The following TAF4 variants were observed in gnomAD, a reference collection of about 807,000 sequenced individuals.
The protein encoded by TAF4 is transcription initiation factor TFIID subunit 4.
A neutral mutation model predicts 90.3 loss-of-function variants in TAF4; 9 were observed. The observed-to-expected ratio is 0.10, with a 90% CI of 0.06 to 0.17. The LOEUF is 0.17. Among genes scored for constraint, TAF4 ranks in the 10% least tolerant of loss-of-function variants. TAF4 has a pLI of 1.00. For synonymous variants in TAF4, 818 were observed against 638.9 expected, an observed-to-expected ratio of 1.28 and a Z score of -4.23; for missense variants, 1,351 against 1,370.7, an observed-to-expected ratio of 0.99 and a Z score of 0.23.
rs2056114447 is a variant in TAF4 at position 62,064,825 on chromosome 20, G to A, written c.986C>T (p.Pro329Leu). ...AGGPAGVSGQ[P>L]GPGAAAAAPA... ...CGCCGCAGCCGCCGCGCCGGGCCCGGGTTGGCCGCTGACCCCCGCGGGGCC... is the reference window on the plus strand; with the variant it reads ...CGCCGCAGCCGCCGCGCCGGGCCCGAGTTGGCCGCTGACCCCCGCGGGGCC... The change falls in exon 1 of 15, where the codon CCC (proline) becomes CTC (leucine). Residue 329 changes from proline to leucine, a missense_variant. Pro to Leu is a moderately conservative substitution (Grantham distance 98, BLOSUM62 -3). Coordinates refer to ENST00000252996, the MANE Select transcript of TAF4 (RefSeq NM_003185.4). The A allele has an allele frequency of 3.1e-6, 3 of 977,668 alleles. No individual in the cohort carries two copies. Among genetic ancestry groups the A allele is most frequent in the Non-Finnish European group, 3.6e-6 (3 of 826,734 alleles). 60.6% of individuals were successfully genotyped at this position (977,668 alleles called of 1,614,324 possible).
chr20:62,043,790 G>T (rs1380934505), intron 1 of TAF4, among the ~76,000 whole-genome samples: 15 of 152,232 alleles, frequency 9.9e-5, no homozygotes, highest in Non-Finnish European at 2.9e-5. Context: ...ATCCAGGTTT[G>T]TGTTAGTATA....
At chr20:61,990,284 C>A (rs1221299688) in intron 14 of TAF4, among the ~76,000 whole-genome samples, 2 of 152,110 alleles carry the variant, frequency 1.3e-5, no homozygotes, top group Non-Finnish European at 2.9e-5. Context: ...GGAGTCTGCA[C>A]GGAGCTCCTT....
chr20:62,034,716 G>A (rs1377043538), intron 1 of TAF4, among the ~76,000 whole-genome samples: 3 of 152,102 alleles, frequency 2.0e-5, no homozygotes, highest in African/African-American at 7.2e-5. Context: ...AACAAAATAT[G>A]TGTAAGACCT....
intron 1 of TAF4, among the ~76,000 whole-genome samples, chr20:62,030,650 C>T (rs955391339): frequency 1.3e-5 from 2 of 152,216 alleles, no homozygotes; most frequent in Admixed American, 6.5e-5. Context: ...CTCAGTACAG[C>T]CTCCAATTTT....
intron 1 of TAF4, among the ~76,000 whole-genome samples, chr20:62,044,929 G>A (rs774957840): frequency 4.6e-5 from 7 of 152,156 alleles, no homozygotes; most frequent in Admixed American, 6.5e-5. Context: ...AGGATGGAGC[G>A]AAGGCCAGGA....
intron 1 of TAF4, among the ~76,000 whole-genome samples, chr20:62,019,605 G>A (rs952448720): frequency 2.0e-5 from 3 of 152,160 alleles, no homozygotes; most frequent in South Asian, 2.1e-4. Flanking sequence ...AAGGAGCAGC[G>A]TGCACTCCTC....
chr20:61,990,944 G>C (rs2055627682), intron 14 of TAF4, among the ~76,000 whole-genome samples: 1 of 152,152 alleles, frequency 6.6e-6, no homozygotes, highest in East Asian at 1.9e-4. Flanking sequence ...GCAACAGAAA[G>C]ACATTCAGGT....
Position 62,003,836 on chromosome 20 carries a change from G to A in TAF4, c.2266C>T (p.Pro756Ser), listed in dbSNP as rs1262729557. The change falls in exon 8 of 15, where the codon CCG (proline) becomes TCG (serine). Residue 756 changes from proline (P) to serine (S), a missense_variant. By Grantham distance (74) the Pro-to-Ser change is moderately conservative (BLOSUM62 -1). Around this residue, in one of 9 missense-constraint regions of TAF4, gnomAD observed 202 missense variants for 229.7 expected, o/e 0.88. Transcript: ENST00000252996. The stretch of plus-strand genomic sequence containing the variant: ...GGTGTCTGCGTCAACGTCACCTGCG[G>A]GGGCCGGATCAGGGCTCCTGGCTTC... ...PPKPGALIRP[P>S]QVTLTQTPMV... 6.2e-7 allele frequency: 1 copy of A among 1,600,402 alleles called. No homozygotes were observed. Among genetic ancestry groups the A allele is most frequent in the Non-Finnish European group, 8.5e-7 (1 of 1,175,184 alleles).
intron 5 of TAF4, among the ~76,000 whole-genome samples, chr20:62,008,570 T>A (rs1172987180): frequency 1.3e-5 from 2 of 151,202 alleles, no homozygotes; most frequent in African/African-American, 4.9e-5. Flanking sequence ...GGGACGGCTC[T>A]GCCACTGGAG....
chr20:61,979,775 A>G (rs926735358), intron 14 of TAF4, among the ~76,000 whole-genome samples: 1 of 130,664 alleles, frequency 7.7e-6, no homozygotes, highest in African/African-American at 3.0e-5. Flanking sequence ...CGCCGTGGCC[A>G]CTCCAGAGGG....
intron 1 of TAF4, among the ~76,000 whole-genome samples, 167 bp from the exon 2 acceptor site, chr20:62,014,874 T>C (rs1390126419): frequency 1.3e-5 from 2 of 152,070 alleles, no homozygotes; most frequent in Non-Finnish European, 1.5e-5. Context: ...GTCAAGATGG[T>C]ATACAAGACA....
At chr20:61,984,412 G>A (rs2055570045) in intron 14 of TAF4, among the ~76,000 whole-genome samples, 1 of 152,220 alleles carries the variant, frequency 6.6e-6, no homozygotes, top group Non-Finnish European at 1.5e-5. Context: ...CCAACAGCAG[G>A]CCTCCAACAG....
intron 5 of TAF4, 155 bp downstream of exon 5, chr20:62,008,897 T>A: frequency 1.0e-6 from 1 of 992,716 alleles, no homozygotes; most frequent in Non-Finnish European, 1.4e-6. Context: ...ACACACGCCT[T>A]CGACACGTGT....
chr20:61,981,134 G>C (rs888420465), intron 14 of TAF4: 3 of 152,210 alleles, frequency 2.0e-5, no homozygotes, highest in Non-Finnish European at 4.4e-5. Flanking sequence ...CACCAGCAAG[G>C]ACCCGCTCAA....
intron 7 of TAF4, 84 bp from the exon 8 acceptor site, chr20:62,003,962 C>A (rs2055725816): frequency 1.4e-5 from 20 of 1,464,464 alleles, no homozygotes; most frequent in Non-Finnish European, 1.8e-5. Context: ...TTCTTCCCTT[C>A]CCTTCCTTTG....
Position 62,010,196 on chromosome 20 carries a change from C to A in TAF4, c.1642-31G>T, listed in dbSNP as rs1221973970. Reference sequence around the variant, plus strand: ...AGAATCCAAAAACACAAGGTAAGGGCATCTCACGCCACCAGCTGACGAGGG... The same window carrying A: ...AGAATCCAAAAACACAAGGTAAGGGAATCTCACGCCACCAGCTGACGAGGG... On this transcript the variant is annotated intron_variant, in intron 3 of 14. Coordinates refer to ENST00000252996, the MANE Select transcript of TAF4 (RefSeq NM_003185.4). The surrounding 1 kb of genome is among the most constrained non-coding windows in gnomAD (Gnocchi z 4.5). The A allele has an allele frequency of 1.9e-6, 3 of 1,613,072 alleles. No homozygotes were observed. The highest frequency in any genetic ancestry group is 2.5e-6 in the Non-Finnish European group (3 of 1,179,874).
At chr20:61,991,816 C>A (rs1007290086) in intron 14 of TAF4, among the ~76,000 whole-genome samples, 3 of 152,078 alleles carry the variant, frequency 2.0e-5, no homozygotes, top group Admixed American at 6.5e-5. Flanking sequence ...GAACACCACC[C>A]CAGCACAACC....
intron 1 of TAF4, among the ~76,000 whole-genome samples, chr20:62,015,243 C>T (rs2055805887): frequency 1.3e-5 from 2 of 152,216 alleles, no homozygotes. Flanking sequence ...CAGTGCTGCC[C>T]CCACACTGCC....
intron 1 of TAF4, among the ~76,000 whole-genome samples, chr20:62,043,483 TCCCTAAGCATA>T (rs1328503431): frequency 6.6e-6 from 1 of 152,184 alleles, no homozygotes; most frequent in East Asian, 1.9e-4. Context: ...AATTCCATAG[TCCCTAAGCATA>T]CCCTAAGCAT....
Sources: gnomAD v4.1 joint callset for allele counts (sites outside exome capture counted in the v4.1 genomes callset) on GRCh38, gnomAD v4.1.1 for gene constraint, gnomAD v4.1.1 regional missense constraint, Gnocchi (gnomAD v3.1) non-coding constraint, MANE v1.5 for transcripts, NCBI Gene and HGNC (gene_info 2026-07-23, HGNC 2026-07-21) for gene names.